RHCE: variants seen among roughly 807,000 people sequenced by gnomAD.
RHCE encodes the protein blood group Rh(CE) polypeptide.
A neutral mutation model predicts 43.8 loss-of-function variants in RHCE; 22 were observed. The observed-to-expected ratio is 0.50, with a 90% CI of 0.36 to 0.72. The LOEUF (loss-of-function observed/expected upper bound fraction) is 0.72. RHCE is among the 30% of genes least tolerant of loss of function. The probability of loss-of-function intolerance (pLI) is 0.00; values close to 1 mark genes in which losing one functional copy is unlikely to be tolerated. For missense variants in RHCE, 385 were observed against 525.4 expected (o/e 0.73, Z 2.61); for synonymous variants, 156 against 210.7 (o/e 0.74, Z 2.25).
intron 2 of RHCE, among the ~76,000 whole-genome samples, chr1:25,425,829 G>A (rs1446376837): frequency 6.6e-6 from 1 of 152,254 alleles, no homozygotes; most frequent in East Asian, 1.9e-4. Context: ...AATGAGGTAG[G>A]AGGTCCTCCG....
intron 8 of RHCE, among the ~76,000 whole-genome samples, chr1:25,374,231 G>A (rs958350150): frequency 6.2e-4 from 94 of 151,746 alleles, no homozygotes; most frequent in African/African-American, 2.2e-3. Context: ...TGGGATTACA[G>A]GTGCCCACCA....
chr1:25,415,584 G>A (rs1287371533), intron 1 of RHCE, among the ~76,000 whole-genome samples: 21 of 152,274 alleles, frequency 1.4e-4, no homozygotes, highest in African/African-American at 4.6e-4. Flanking sequence ...CCTGGGAGGC[G>A]GAGGTTGCGG....
In RHCE at chr1:25,390,925, A is replaced by G. The variant is rs1646341696; in HGVS notation, c.635-10T>C. The G allele has an allele frequency of 6.2e-7, 1 of 1,614,040 alleles. No homozygotes were observed. Among genetic ancestry groups the G allele is most frequent in the African/African-American group, 1.3e-5 (1 of 74,930 alleles). ...CACAAGAAGAGGGCGCCTGGGGGCC[A>G]GAGAGGGTGGTTGGCCAGAATCACA... On this transcript the variant is annotated splice_polypyrimidine_tract_variant and intron_variant, in intron 4 of 9. Coordinates refer to ENST00000294413, the MANE Select transcript of RHCE (RefSeq NM_020485.8).
At position 25,408,978 on chromosome 1, in the gene RHCE, G is replaced by A. The variant is rs1646995570; in HGVS notation, c.149-109C>T. 5 of 685,844 alleles carry A rather than the reference G, an allele frequency of 7.3e-6. 1 individual carries two copies. The highest frequency in any genetic ancestry group is 1.6e-5 in the African/African-American group (1 of 61,228). The allele number at this position is 685,844 out of a possible 1,614,324, so 42.5% of individuals were successfully genotyped here. The stretch of plus-strand genomic sequence containing the variant: ...GCAGCTGGAAGGGGCATGCAAGATC[G>A]TTTACAAGTATTTGGTCAAGTTACT... On this transcript the variant is annotated intron_variant, in intron 1 of 9. Transcript: ENST00000294413.
At chr1:25,369,415 AC>A (rs1417692027) in intron 9 of RHCE, among the ~76,000 whole-genome samples, 1 of 151,640 alleles carries the variant, frequency 6.6e-6, no homozygotes, top group Non-Finnish European at 1.5e-5. Context: ...CAGCCTACCC[AC>A]AGCATTGACT....
chr1:25,391,368 G>C (rs1289184919), intron 4 of RHCE, among the ~76,000 whole-genome samples: 1 of 151,980 alleles, frequency 6.6e-6, no homozygotes, highest in Non-Finnish European at 1.5e-5. Context: ...TGTATTTTTA[G>C]TAGAGATGGG....
chr1:25,399,678 G>A (rs994729342), intron 3 of RHCE, among the ~76,000 whole-genome samples: 3 of 152,138 alleles, frequency 2.0e-5, no homozygotes, highest in Admixed American at 1.3e-4. Context: ...ACCACCTACC[G>A]ATGGTTACAT....
chr1:25,427,642 CT>C (rs1324339312), intron 2 of RHCE, among the ~76,000 whole-genome samples: 2 of 152,360 alleles, frequency 1.3e-5, no homozygotes, highest in Admixed American at 1.3e-4. Context: ...CAGTCCTGCT[CT>C]GGCCTCTCCT....
chr1:25,420,772 G>A lies in RHCE; in HGVS notation c.15C>T (p.Tyr5=), dbSNP rs2042748716. 6.2e-7 allele frequency: 1 copy of A among 1,608,720 alleles called. No homozygotes were observed. The highest frequency in any genetic ancestry group is 8.5e-7 in the Non-Finnish European group (1 of 1,177,278). Residue 5 remains tyrosine (Y), a synonymous_variant, in exon 1 of 10, where the codon TAC becomes TAT. Coordinates refer to ENST00000294413, the MANE Select transcript of RHCE (RefSeq NM_020485.8). MSSK[Y]PRSVRRCLPL... ...GCAGGCAGCGCCGGACAGACCGCGG[G>A]TACTTAGAGCTCATCCTGTGTCCGT...
intron 1 of RHCE, chr1:25,411,476 G>C: frequency 6.5e-7 from 1 of 1,546,270 alleles, no homozygotes; most frequent in Non-Finnish European, 8.7e-7. Flanking sequence ...ACACACCCAG[G>C]GTCTGCCAGA....
intron 1 of RHCE, chr1:25,419,790 T>C (rs1571930523): frequency 8.8e-6 from 1 of 114,004 alleles, no homozygotes. Flanking sequence ...CATGCAGACT[T>C]CCCAGCCCCT....
chr1:25,389,244 C>T lies in RHCE; in HGVS notation c.802-131G>A, dbSNP rs592098. 1.2e-3 allele frequency: 1,820 copies of T among 1,486,896 alleles called. 7 individuals carry two copies. Among genetic ancestry groups the T allele is most frequent in the Non-Finnish European group, 1.0e-3 (1,104 of 1,076,810 alleles). The allele number at this position is 1,486,896 out of a possible 1,614,324, so 92.1% of individuals were successfully genotyped here. On this transcript the variant is annotated intron_variant, in intron 5 of 9. Coordinates refer to ENST00000294413, the MANE Select transcript of RHCE (RefSeq NM_020485.8). ...CCTGCTTTGCTGATCCTGAAACCAC[C>T]TCTCCCCTGTGTTGGGGCTACGTGT... is the stretch of plus-strand genomic sequence containing the variant.
rs772058645 is a variant in RHCE, at chr1:25,408,816, T to A, written c.202A>T (p.Asn68Tyr). 2 of 1,282,628 alleles carry A rather than the reference T, an allele frequency of 1.6e-6. 1 individual carries two copies. The highest frequency in any genetic ancestry group is 3.7e-5 in the South Asian group (2 of 53,652). The allele number at this position is 1,282,628 out of a possible 1,614,324, so 79.5% of individuals were successfully genotyped here. The stretch of plus-strand genomic sequence containing the variant: ...CTGCTCCAGCTGTGTCTCCGGAAAT[T>A]TGAGGTGAGGAAGCCCAAGCCAAGG... The part of the protein sequence containing the change: ...AALGLGFLTS[N>Y]FRRHSWSSVA... Residue 68 changes from asparagine (N) to tyrosine (Y), a missense_variant, in exon 2 of 10, where the codon AAT (asparagine) becomes TAT (tyrosine). Physicochemically the swap from Asn to Tyr is moderately radical, Grantham distance 143. Coordinates refer to ENST00000294413, the MANE Select transcript of RHCE (RefSeq NM_020485.8).
At chr1:25,370,667 G>C in intron 8 of RHCE, 127 bp from the exon 9 acceptor site, 1 of 785,744 alleles carries the variant, frequency 1.3e-6, no homozygotes, top group South Asian at 1.5e-5. Context: ...TCCCACAATT[G>C]AAAGACAAAT....
At chr1:25,379,042 G>C (rs937903631) in intron 7 of RHCE, among the ~76,000 whole-genome samples, 6 of 152,118 alleles carry the variant, frequency 3.9e-5, no homozygotes, top group African/African-American at 1.4e-4. Context: ...ACTTTCTGTT[G>C]CTATAACAGA....
At chr1:25,396,709 G>C (rs922044185) in intron 3 of RHCE, among the ~76,000 whole-genome samples, 6 of 152,160 alleles carry the variant, frequency 3.9e-5, no homozygotes, top group Non-Finnish European at 5.9e-5. Context: ...AACAGCATGG[G>C]GGAAACCACC....
At chr1:25,430,051 T>TCCGGCCCGGC (rs1216942852) in exon 1 of RHCE, 3 of 151,620 alleles carry the variant, frequency 2.0e-5, no homozygotes, top group Non-Finnish European at 2.9e-5. Flanking sequence ...AGGCTCCCGG[T>TCCGGCCCGGC]CCGGCCCGGC....
upstream of RHCE, among the ~76,000 whole-genome samples, chr1:25,423,247 G>C (rs1392115896): frequency 6.6e-6 from 1 of 152,116 alleles, no homozygotes; most frequent in Non-Finnish European, 1.5e-5. Context: ...TTCCTGAGAA[G>C]GAACTCCCCT....
At chr1:25,403,762 C>G (rs903980348) in intron 2 of RHCE, among the ~76,000 whole-genome samples, 10 of 151,458 alleles carry the variant, frequency 6.6e-5, no homozygotes, top group Non-Finnish European at 1.5e-4. Flanking sequence ...CTCCCTCCTC[C>G]CTCTGGGAGT....
Sources: gnomAD v4.1 joint callset for allele counts (sites outside exome capture counted in the v4.1 genomes callset) on GRCh38, gnomAD v4.1.1 for gene constraint, MANE v1.5 for transcripts, NCBI Gene and HGNC (gene_info 2026-07-23, HGNC 2026-07-21) for gene names.